Variants in MCRS1 observed in about 807,000 individuals in gnomAD.
MCRS1 encodes 58 kDa microspherule protein.
A neutral mutation model predicts 62.9 loss-of-function variants in MCRS1; 22 were observed. The observed-to-expected ratio is 0.35, with a 90% CI of 0.25 to 0.50. The LOEUF is 0.50. Among genes scored for constraint, MCRS1 ranks in the 20% least tolerant of loss-of-function variants. The pLI is 0.98. For synonymous variants in MCRS1, 244 were observed against 233.5 expected (o/e 1.04, Z -0.41); for missense variants, 456 against 601.1 (o/e 0.76, Z 2.52).
At position 49,559,762 on chromosome 12, in the gene MCRS1, G is replaced by A; in HGVS notation, c.970C>T (p.His324Tyr). ...CTGTCCACTAGCACCTGCCACTTAT[G>A]CAGTTCCTGTTCCAGCTGCCGAATC... ...REIRQLEQEL[H>Y]KWQVLVDSIT... The change falls in exon 11 of 15, where the codon CAT becomes TAT. Residue 324 changes from histidine to tyrosine, a missense_variant. Physicochemically the swap from His to Tyr is moderately conservative, Grantham distance 83. Transcript: ENST00000343810. This position sits in a 1 kb window ranked among gnomAD's most constrained non-coding sequence, Gnocchi z 5.2. The A allele has an allele frequency of 1.2e-6, 2 of 1,614,216 alleles. No individual in the cohort carries two copies. Among genetic ancestry groups the A allele is most frequent in the Non-Finnish European group, 1.7e-6 (2 of 1,180,034 alleles).
At chr12:49,563,276 C>T in intron 7 of MCRS1, 137 bp from the exon 8 acceptor site, 1 of 1,430,074 alleles carries the variant, frequency 7.0e-7, no homozygotes, top group Non-Finnish European at 9.6e-7. Flanking sequence ...TCAGGCTTGG[C>T]TCTTCCTGAG....
chr12:49,562,500 C>T (rs1343459025), intron 8 of MCRS1, among the ~76,000 whole-genome samples: 1 of 152,094 alleles, frequency 6.6e-6, no homozygotes, highest in African/African-American at 2.4e-5. Flanking sequence ...GGCAGCTTGA[C>T]AGCACTAACG....
chr12:49,565,348 C>T, intron 4 of MCRS1, 181 bp downstream of exon 4: 4 of 985,294 alleles, frequency 4.1e-6, no homozygotes, highest in Non-Finnish European at 4.8e-6. Flanking sequence ...GTGGGGGCTG[C>T]AGCAAGAAAT....
Position 49,559,443 on chromosome 12 carries a change from C to T in MCRS1, c.1086+10G>A, listed in dbSNP as rs1322477871. On this transcript the variant is annotated intron_variant, in intron 12 of 14. Coordinates refer to ENST00000343810, the MANE Select transcript of MCRS1 (RefSeq NM_006337.5). This position sits in a 1 kb window ranked among gnomAD's most constrained non-coding sequence, Gnocchi z 5.2. ...GCAGCCTAAGAAGGGCGGGGATGGG[C>T]CTGCCTCACCTCACGCGAGCGCATC... 1.2e-6 allele frequency: 2 copies of T among 1,613,818 alleles called. No homozygotes were observed. The highest frequency in any genetic ancestry group is 1.7e-6 in the Non-Finnish European group (2 of 1,180,012).
chr12:49,564,552 G>A lies in MCRS1; in HGVS notation c.486C>T (p.Phe162=). 1 of 1,612,418 alleles carries A rather than the reference G, an allele frequency of 6.2e-7. No individual in the cohort carries two copies. The highest frequency in any genetic ancestry group is 8.5e-7 in the Non-Finnish European group (1 of 1,179,208). Residue 162 remains phenylalanine (F), a synonymous_variant, in exon 6 of 15, where the codon TTC becomes TTT. Transcript: ENST00000343810. ...CCTCCCGAAGGGTGAAGCGGCAGCTGAATTTCACGCCCAGGTGGACGGAGG... is the reference window on the plus strand; with the variant it reads ...CCTCCCGAAGGGTGAAGCGGCAGCTAAATTTCACGCCCAGGTGGACGGAGG... ...DLTSVHLGVK[F]SCRFTLREVQ...
chr12:49,563,057 GC>G lies in MCRS1; in HGVS notation c.748del (p.Ala250ProfsTer9), dbSNP rs1938854960. The G allele has an allele frequency of 1.3e-6, 2 of 1,583,538 alleles. No homozygotes were observed. The highest frequency in any genetic ancestry group is 2.3e-5 in the East Asian group (1 of 43,782). On this transcript the variant is annotated frameshift_variant, in exon 8 of 15. Transcript: ENST00000343810. LOFTEE classifies it high-confidence loss of function. ...DAFYLARTAKALQAHWQLMKQ... is the reference protein window; with the variant it reads ...DAFYLARTAKXLQAHWQLMKQ... ...CATGAGCTGCCAGTGGGCCTGCAGG[GC>G]CTTCGCGGTACGGGCCAGGTAGAAG...
At chr12:49,566,892 C>T in intron 1 of MCRS1, 51 bp from the exon 2 acceptor site, 1 of 939,924 alleles carries the variant, frequency 1.1e-6, no homozygotes, top group African/African-American at 1.6e-5. Flanking sequence ...AACTGGCCAG[C>T]CTCACTTCCT....
intron 8 of MCRS1, 141 bp from the exon 9 acceptor site, chr12:49,560,511 G>T: frequency 1.4e-6 from 1 of 721,570 alleles, no homozygotes; most frequent in South Asian, 1.6e-5. Context: ...TACCAGATTA[G>T]GCTGGGCTCT....
At chr12:49,567,954 C>G (rs1939150177) in intron 1 of MCRS1, 94 bp downstream of exon 1, 2 of 152,228 alleles carry the variant, frequency 1.3e-5, no homozygotes. Flanking sequence ...GGGCCCCAAA[C>G]TTGGGGGGTG....
Position 49,568,080 on chromosome 12 carries a change from C to G in MCRS1, c.-143G>C, listed in dbSNP as rs957219351. On this transcript the variant is annotated 5_prime_UTR_variant, in exon 1 of 15. Transcript: ENST00000343810. The stretch of plus-strand genomic sequence containing the variant: ...AGACTGCCAGATCCAACAATTTCTC[C>G]GCGGCGACGGTAGCAGCCGCAGGGC... 1 of 152,184 alleles carries G rather than the reference C, an allele frequency of 6.6e-6. No individual in the cohort carries two copies. Among genetic ancestry groups the G allele is most frequent in the Non-Finnish European group, 1.5e-5 (1 of 68,040 alleles). The allele number at this position is 152,184 out of a possible 1,614,324, so 9.4% of individuals were successfully genotyped here.
rs181279842 is a variant in MCRS1, at chr12:49,563,645, A to G, written c.558-99T>C. The G allele has an allele frequency of 9.0e-5, 75 of 834,026 alleles. No homozygotes were observed. In the African/African-American group the frequency reaches 1.1e-3, roughly 12 times the overall value. The allele number at this position is 834,026 out of a possible 1,614,324, so 51.7% of individuals were successfully genotyped here. ...CCAAACCTACAGGCTTTTGAGATCC[A>G]GAACCTAGAGGCCAGGCCCTCATTA... On this transcript the variant is annotated intron_variant, in intron 6 of 14. Transcript: ENST00000343810.
At chr12:49,560,420 G>A (rs771067326) in intron 8 of MCRS1, 50 bp from the exon 9 acceptor site, 47 of 1,564,668 alleles carry the variant, frequency 3.0e-5, no homozygotes, top group Admixed American at 1.8e-4. Context: ...TGCTGAACCC[G>A]ATGCTGAGCG....
At chr12:49,566,951 G>A in intron 1 of MCRS1, 110 bp from the exon 2 acceptor site, 1 of 606,000 alleles carries the variant, frequency 1.7e-6, no homozygotes, top group Non-Finnish European at 2.9e-6. Context: ...GAAGACATAA[G>A]GACAGGAAAG....
Position 49,558,658 on chromosome 12 carries a change from C to T in MCRS1, c.1374G>A (p.Lys458=), listed in dbSNP as rs368866864. ...CCACCACTCCTCACTGTGGTGTGAT[C>T]TTGGCAGCCTCAGCCCTGATGAGGG... ...LIALIRAEAA[K]ITPQ The change falls in exon 15 of 15, where the codon AAG becomes AAA. Residue 458 remains lysine, a synonymous_variant. Coordinates refer to ENST00000343810, the MANE Select transcript of MCRS1 (RefSeq NM_006337.5). 2 of 1,613,386 alleles carry T rather than the reference C, an allele frequency of 1.2e-6. No individual in the cohort carries two copies. Among genetic ancestry groups the T allele is most frequent in the Non-Finnish European group, 1.7e-6 (2 of 1,180,032 alleles).
At position 49,566,244 on chromosome 12, in the gene MCRS1, C is replaced by G. The variant is rs940769232; in HGVS notation, c.11-29G>C. On this transcript the variant is annotated intron_variant, in intron 2 of 14. Transcript: ENST00000343810. ...GCAAGAGAGAAATGGTGGATTCGGG[C>G]CTCCTAAGATCCTAGAGCCTCTGCA... is the stretch of plus-strand genomic sequence containing the variant. 4 of 1,602,942 alleles carry G rather than the reference C, an allele frequency of 2.5e-6. No individual in the cohort carries two copies. In the African/African-American group the frequency reaches 5.4e-5, roughly 21 times the overall value.
At chr12:49,565,336 G>C (rs1565793300) in intron 4 of MCRS1, 193 bp downstream of exon 4, 1 of 985,380 alleles carries the variant, frequency 1.0e-6, no homozygotes, top group Non-Finnish European at 1.2e-6. Context: ...GCAGGGTTGG[G>C]GGTGGGGGCT....
intron 2 of MCRS1, 173 bp from the exon 3 acceptor site, chr12:49,566,388 G>T: frequency 6.3e-7 from 1 of 1,575,622 alleles, no homozygotes. Flanking sequence ...TCTGGGCTCA[G>T]ACCTGGCCCA....
At chr12:49,565,451 C>A in intron 4 of MCRS1, 78 bp downstream of exon 4, 1 of 1,533,548 alleles carries the variant, frequency 6.5e-7, no homozygotes, top group Admixed American at 2.1e-5. Context: ...CTGCAGGGCT[C>A]TTGGCAGCTG....
At position 49,559,347 on chromosome 12, in the gene MCRS1, G is replaced by A. The variant is rs775165675; in HGVS notation, c.1087-46C>T. 1.9e-6 allele frequency: 3 copies of A among 1,606,768 alleles called. No homozygotes were observed. The highest frequency in any genetic ancestry group is 2.6e-6 in the Non-Finnish European group (3 of 1,173,430). ...AGGGCTGGGACCTGAAGAATTGGGGGAGTAGGTCTATGCAGGCCAGAGAAA... is the reference window on the plus strand; with the variant it reads ...AGGGCTGGGACCTGAAGAATTGGGGAAGTAGGTCTATGCAGGCCAGAGAAA... On this transcript the variant is annotated intron_variant, in intron 12 of 14. Transcript: ENST00000343810. The surrounding 1 kb of genome is among the most constrained non-coding windows in gnomAD (Gnocchi z 5.2).
Sources: gnomAD v4.1 joint callset for allele counts (sites outside exome capture counted in the v4.1 genomes callset) on GRCh38, gnomAD v4.1.1 for gene constraint, Gnocchi (gnomAD v3.1) non-coding constraint, MANE v1.5 for transcripts, NCBI Gene and HGNC (gene_info 2026-07-23, HGNC 2026-07-21) for gene names.